AGBL4: variants seen among roughly 807,000 people sequenced by gnomAD.
AGBL4 encodes cytosolic carboxypeptidase 6.
AGBL4 carries 58 observed loss-of-function variants against 66.4 expected under a neutral mutation model. The ratio of observed to expected loss-of-function variants is 0.87; its 90% CI spans 0.71 to 1.09. AGBL4 has a LOEUF of 1.09. Ranked by LOEUF, AGBL4 falls within the 50% of genes least tolerant of loss-of-function variation. The pLI, the probability that AGBL4 is intolerant of heterozygous loss-of-function variation, is 0.00. For synonymous variants in AGBL4, 234 were observed against 222.9 expected (o/e 1.05, Z -0.44); for missense variants, 579 against 631.0 (o/e 0.92, Z 0.88).
chr1:48,740,333 A>G (rs1649719965), intron 6 of AGBL4, among the ~76,000 whole-genome samples: 1 of 152,200 alleles, frequency 6.6e-6, no homozygotes, highest in African/African-American at 2.4e-5. Flanking sequence ...TCTGGCTTTC[A>G]GTTCCTGCCT....
intron 8 of AGBL4, among the ~76,000 whole-genome samples, chr1:48,650,444 AC>A (rs1645908669): frequency 6.8e-6 from 1 of 147,024 alleles, no homozygotes; most frequent in African/African-American, 2.5e-5. Flanking sequence ...CTGAGAACCA[AC>A]CTTCCTTCCT....
intron 6 of AGBL4, among the ~76,000 whole-genome samples, chr1:48,688,803 T>C (rs1646575376): frequency 6.6e-6 from 1 of 152,086 alleles, no homozygotes; most frequent in South Asian, 2.1e-4. Context: ...AAAGCTCTTT[T>C]TTTTTTTTTG....
At chr1:49,782,142 C>A (rs1300513956) in intron 2 of AGBL4, among the ~76,000 whole-genome samples, 1 of 151,058 alleles carries the variant, frequency 6.6e-6, no homozygotes, top group Non-Finnish European at 1.5e-5. Flanking sequence ...GAAGCAGAGG[C>A]TAGAAAAACA....
chr1:48,999,301 A>G (rs1661228621), intron 5 of AGBL4, among the ~76,000 whole-genome samples: 1 of 152,150 alleles, frequency 6.6e-6, no homozygotes, highest in African/African-American at 2.4e-5. Flanking sequence ...CTTGGATTTC[A>G]ATTGCCATAA....
chr1:49,648,775 G>A (rs371391075), intron 3 of AGBL4, among the ~76,000 whole-genome samples: 3 of 151,472 alleles, frequency 2.0e-5, no homozygotes, highest in Non-Finnish European at 4.4e-5. Context: ...CTTCAAAAAT[G>A]GAGGAAAAAT....
chr1:48,668,844 T>C (rs562640180), intron 6 of AGBL4, among the ~76,000 whole-genome samples: 104 of 152,378 alleles, frequency 6.8e-4, no homozygotes, highest in African/African-American at 2.3e-3. Flanking sequence ...TATAGACATT[T>C]ATTGAGTATA....
At chr1:49,410,868 A>T (rs899505721) in intron 3 of AGBL4, among the ~76,000 whole-genome samples, 1 of 152,184 alleles carries the variant, frequency 6.6e-6, no homozygotes, top group African/African-American at 2.4e-5. Context: ...TACTCACTGC[A>T]CTTATCAAAT....
downstream of AGBL4, among the ~76,000 whole-genome samples, chr1:48,529,591 G>A (rs539763304): frequency 2.0e-5 from 3 of 152,182 alleles, no homozygotes; most frequent in Admixed American, 1.3e-4. Context: ...CTGCTTTGTG[G>A]CCCTGATGCC....
chr1:49,999,944 C>G (rs1660628332), intron 1 of AGBL4, among the ~76,000 whole-genome samples: 1 of 152,072 alleles, frequency 6.6e-6, no homozygotes, highest in South Asian at 2.1e-4. Context: ...ATACTTAAAT[C>G]TAAGACCTAA....
At chr1:48,718,916 A>G (rs74076461) in intron 6 of AGBL4, among the ~76,000 whole-genome samples, 6,700 of 152,262 alleles carry the variant, frequency 0.044, 446 homozygotes, top group African/African-American at 0.14. Context: ...AGCTCCGACT[A>G]CATACCTGCC....
At chr1:49,566,689 G>GA (rs1644213247) in intron 3 of AGBL4, among the ~76,000 whole-genome samples, 1 of 152,194 alleles carries the variant, frequency 6.6e-6, no homozygotes, top group African/African-American at 2.4e-5. Context: ...CTGGCTTTGT[G>GA]AGGTGTCAGT....
At chr1:49,586,484 A>C (rs1644648923) in intron 3 of AGBL4, among the ~76,000 whole-genome samples, 3 of 152,226 alleles carry the variant, frequency 2.0e-5, no homozygotes, top group African/African-American at 2.4e-5. Flanking sequence ...GATCCTCAAA[A>C]AGATCTTGTG....
At chr1:49,364,823 G>T (rs1251761937) in intron 3 of AGBL4, among the ~76,000 whole-genome samples, 1 of 152,166 alleles carries the variant, frequency 6.6e-6, no homozygotes, top group Non-Finnish European at 1.5e-5. Flanking sequence ...AAGAGCTAAG[G>T]CAGATAAATT....
At chr1:48,732,664 C>T (rs1026403233) in intron 6 of AGBL4, among the ~76,000 whole-genome samples, 1 of 152,008 alleles carries the variant, frequency 6.6e-6, no homozygotes, top group Admixed American at 6.6e-5. Flanking sequence ...TCCAGGGCTA[C>T]AGCACAATAG....
intron 5 of AGBL4, among the ~76,000 whole-genome samples, chr1:49,002,601 C>T (rs1661476589): frequency 6.6e-6 from 1 of 152,158 alleles, no homozygotes; most frequent in Non-Finnish European, 1.5e-5. Flanking sequence ...CAATTCTCAA[C>T]AATGTAATGT....
chr1:49,353,932 C>T (rs1643964650), intron 3 of AGBL4, among the ~76,000 whole-genome samples: 1 of 152,140 alleles, frequency 6.6e-6, no homozygotes, highest in African/African-American at 2.4e-5. Context: ...ACCTCCATCA[C>T]TCAATAAAAT....
chr1:48,736,212 C>G lies in AGBL4; in HGVS notation c.635-72971G>C, dbSNP rs1478968623. On this transcript the variant is annotated intron_variant, in intron 6 of 13. Coordinates refer to ENST00000371839, the MANE Select transcript of AGBL4 (RefSeq NM_032785.4). This position sits in a 1 kb window ranked among gnomAD's most constrained non-coding sequence, Gnocchi z 4.0. ...GACAGAGTAAAAGACAGAATCCCAG[C>G]CATTGTGTTTCCACTCAGTGACCTA... The G allele has an allele frequency of 1.3e-6, 2 of 1,590,906 alleles. No individual in the cohort carries two copies. Among genetic ancestry groups the G allele is most frequent in the African/African-American group, 2.7e-5 (2 of 74,296 alleles).
chr1:49,968,096 A>T (rs1657723824), intron 1 of AGBL4, among the ~76,000 whole-genome samples: 1 of 151,982 alleles, frequency 6.6e-6, no homozygotes, highest in Non-Finnish European at 1.5e-5. Context: ...GATGGCAGGC[A>T]CCTGTAATCT....
intron 4 of AGBL4, among the ~76,000 whole-genome samples, chr1:49,054,151 A>G (rs1399822622): frequency 6.6e-6 from 1 of 152,032 alleles, no homozygotes; most frequent in African/African-American, 2.4e-5. Context: ...ACCAATTCCA[A>G]GTTCTCTTGG....
Sources: allele counts gnomAD v4.1 joint callset (sites outside exome capture counted in the v4.1 genomes callset), GRCh38; gene constraint gnomAD v4.1.1; non-coding constraint Gnocchi (gnomAD v3.1); transcripts MANE v1.5; gene names NCBI Gene and HGNC (gene_info 2026-07-23, HGNC 2026-07-21).